Variants in SLF1 observed in about 807,000 individuals in gnomAD.
SLF1 encodes the protein SMC5-SMC6 complex localization factor protein 1.
SLF1 carries 105 observed loss-of-function variants against 123.0 expected under a neutral mutation model. The ratio of observed to expected loss-of-function variants is 0.85; its 90% CI spans 0.73 to 1.00. SLF1 has a LOEUF of 1.00. Among genes scored for constraint, SLF1 ranks in the 50% least tolerant of loss-of-function variants. The pLI is 0.00. For missense variants in SLF1, 1,239 were observed against 1,223.0 expected, an observed-to-expected ratio of 1.01 and a Z score of -0.20; for synonymous variants, 434 against 406.6, an observed-to-expected ratio of 1.07 and a Z score of -0.81.
Position 94,651,672 on chromosome 5 carries a change from CTTAACTAAATT to C in SLF1, c.739-29_739-19del. On this transcript the variant is annotated intron_variant, in intron 6 of 20. Coordinates refer to ENST00000265140, the MANE Select transcript of SLF1 (RefSeq NM_032290.4). ...GTTAAGGCTATATTTAATCCACAGT[CTTAACTAAATT>C]ATGTTTACAAACACGCAGAAAGAAA... The C allele has an allele frequency of 6.7e-7, 1 of 1,485,428 alleles. No individual in the cohort carries two copies. Among genetic ancestry groups the C allele is most frequent in the Non-Finnish European group, 9.0e-7 (1 of 1,115,222 alleles). The allele number at this position is 1,485,428 out of a possible 1,614,324, so 92.0% of individuals were successfully genotyped here. A position where few individuals can be genotyped will look rare whatever the true frequency, so the allele number is the denominator to read the frequency against.
chr5:94,685,833 CAA>C (rs758208359), intron 15 of SLF1, among the ~76,000 whole-genome samples: 9 of 110,644 alleles, frequency 8.1e-5, no homozygotes, highest in Admixed American at 2.8e-4. Context: ...GACTCCGTCT[CAA>C]AAAAAAAAAA....
rs1208313600 is a variant in SLF1, at chr5:94,688,816, T to C, written c.2285+147T>C. On this transcript the variant is annotated intron_variant, in intron 17 of 20. Transcript: ENST00000265140. ...CAATTTTAGATCTATTTGATCAACA[T>C]TTTCTGTTTCTGTAATTCAAGGTAC... is the stretch of plus-strand genomic sequence containing the variant. The C allele has an allele frequency of 3.4e-6, 3 of 882,660 alleles. No homozygotes were observed. The East Asian group carries it at 8.7e-5, about 26-fold the overall frequency. 54.7% of individuals were successfully genotyped at this position (882,660 alleles called of 1,614,324 possible). A position where few individuals can be genotyped will look rare whatever the true frequency, so the allele number is the denominator to read the frequency against.
intron 9 of SLF1, among the ~76,000 whole-genome samples, chr5:94,656,260 A>G (rs908826182): frequency 7.9e-5 from 12 of 151,836 alleles, no homozygotes; most frequent in Non-Finnish European, 1.5e-4. Context: ...TGTATGTTGA[A>G]CCATCCTTGC....
chr5:94,629,097 CA>C lies in SLF1; in HGVS notation c.125del (p.Asn42IlefsTer6). On this transcript the variant is annotated frameshift_variant, in exon 3 of 21. Coordinates refer to ENST00000265140, the MANE Select transcript of SLF1 (RefSeq NM_032290.4). LOFTEE classifies it high-confidence loss of function. ...ATGTGGATTTTTCCCTCCAGAAATA[CA>C]AAAATTGTACACATCTTATAGCTGA... ...DCTFIKSEKY[K>X]NCTHLIAERL... is the part of the protein sequence containing the mutation. The C allele has an allele frequency of 6.5e-7, 1 of 1,538,086 alleles. No individual in the cohort carries two copies. The highest frequency in any genetic ancestry group is 8.8e-7 in the Non-Finnish European group (1 of 1,141,108).
chr5:94,663,736 C>T lies in SLF1; in HGVS notation c.1210-14C>T, dbSNP rs1585179505. 2.0e-6 allele frequency: 3 copies of T among 1,502,068 alleles called. No individual in the cohort carries two copies. The highest frequency in any genetic ancestry group is 2.7e-6 in the Non-Finnish European group (3 of 1,123,192). 93.0% of individuals were successfully genotyped at this position (1,502,068 alleles called of 1,614,324 possible). A position where few individuals can be genotyped will look rare whatever the true frequency, so the allele number is the denominator to read the frequency against. ...CTTTCTTTTCTCTGAATCATAGAAT[C>T]TTTCCTTTCTTAGGTTAAAAATGCT... On this transcript the variant is annotated splice_polypyrimidine_tract_variant and intron_variant, in intron 10 of 20. Transcript: ENST00000265140.
In SLF1 at chr5:94,651,770, A is replaced by G. The variant is rs553754019; in HGVS notation, c.807A>G (p.Lys269=). The G allele has an allele frequency of 6.5e-7, 1 of 1,529,870 alleles. No homozygotes were observed. Among genetic ancestry groups the G allele is most frequent in the South Asian group, 1.2e-5 (1 of 80,536 alleles). 94.8% of individuals were successfully genotyped at this position (1,529,870 alleles called of 1,614,324 possible). ...SILIQHHKKE[K]FSGSSKDLKF... ...TGATTCAACATCACAAAAAAGAAAA[A>G]TTCAGTGGTTCCAGTAAAGATTTGA... Residue 269 remains lysine (K), a synonymous_variant, in exon 7 of 21, where the codon AAA becomes AAG. Transcript: ENST00000265140.
intron 1 of SLF1, among the ~76,000 whole-genome samples, chr5:94,624,726 A>G (rs1284005910): frequency 6.6e-6 from 1 of 152,162 alleles, no homozygotes; most frequent in Non-Finnish European, 1.5e-5. Flanking sequence ...CCGATTATTT[A>G]ACATTAGTTT....
At chr5:94,620,303 A>T (rs1416912175) in intron 1 of SLF1, 3 of 152,232 alleles carry the variant, frequency 2.0e-5, no homozygotes, top group Admixed American at 1.3e-4. Context: ...CTAAATCCAG[A>T]TTTTATTATG....
intron 17 of SLF1, among the ~76,000 whole-genome samples, 192 bp downstream of exon 17, chr5:94,688,861 C>A (rs188372946): frequency 6.6e-6 from 1 of 152,194 alleles, no homozygotes; most frequent in Non-Finnish European, 1.5e-5. Flanking sequence ...AAGTGCTTCC[C>A]AAAAGAAATA....
intron 4 of SLF1, among the ~76,000 whole-genome samples, chr5:94,641,093 T>C (rs968355656): frequency 2.0e-5 from 3 of 152,216 alleles, no homozygotes; most frequent in Admixed American, 2.0e-4. Flanking sequence ...AAATTAGGCC[T>C]ACCTCTTCTG....
chr5:94,632,890 T>C (rs1158141194), intron 4 of SLF1, among the ~76,000 whole-genome samples: 1 of 152,026 alleles, frequency 6.6e-6, no homozygotes, highest in African/African-American at 2.4e-5. Context: ...GGGGTTTCAC[T>C]GTGTTAGTCA....
chr5:94,694,015 G>A (rs1332430279), intron 20 of SLF1, among the ~76,000 whole-genome samples: 1 of 151,634 alleles, frequency 6.6e-6, no homozygotes, highest in Non-Finnish European at 1.5e-5. Flanking sequence ...TATAATTGTA[G>A]GACCTAGTGA....
chr5:94,630,667 GGT>G lies in SLF1; in HGVS notation c.357_358del (p.Ala120SerfsTer14), dbSNP rs1439516753. ...ATGGCGTGAAGAACTGAAACGCACT[GGT>G]GCTCCAGGAGCCTTCCACAGATGGA... is the stretch of plus-strand genomic sequence containing the variant. ...KRWREELKRTGAPGAFHRWKV... is the reference protein window; with the variant it reads ...KRWREELKRTXAPGAFHRWKV... On this transcript the variant is annotated frameshift_variant, in exon 4 of 21. Coordinates refer to ENST00000265140, the MANE Select transcript of SLF1 (RefSeq NM_032290.4). LOFTEE classifies it high-confidence loss of function. 4 of 1,551,588 alleles carry G rather than the reference GGT, an allele frequency of 2.6e-6. No individual in the cohort carries two copies. In the Admixed American group the frequency reaches 7.8e-5, roughly 30 times the overall value.
chr5:94,645,062 A>G (rs935109572), intron 5 of SLF1, among the ~76,000 whole-genome samples: 2 of 152,214 alleles, frequency 1.3e-5, no homozygotes, highest in African/African-American at 4.8e-5. Context: ...GTCTGCTTGG[A>G]CTATGGATAA....
At position 94,688,618 on chromosome 5, in the gene SLF1, T is replaced by C. The variant is rs750487982; in HGVS notation, c.2234T>C (p.Leu745Pro). The change falls in exon 17 of 21, where the codon CTA becomes CCA. Residue 745 changes from leucine (L) to proline (P), a missense_variant. Leu to Pro is a moderately conservative substitution (Grantham distance 98). Transcript: ENST00000265140. Reference sequence around the variant, plus strand: ...TGTTTTGACTCTCAGAGAACCTTACTAATGCTGAATGGTACTAAACAAAAA... The same window carrying C: ...TGTTTTGACTCTCAGAGAACCTTACCAATGCTGAATGGTACTAAACAAAAA... The part of the protein sequence containing the change: ...RPCFDSQRTL[L>P]MLNGTKQKQV... 5.6e-6 allele frequency: 9 copies of C among 1,613,988 alleles called. No homozygotes were observed. In the Admixed American group the frequency reaches 1.3e-4, roughly 24 times the overall value.
chr5:94,657,931 A>G lies in SLF1; in HGVS notation c.1155+3179A>G, dbSNP rs533639531. ...ATTCTTCTTCACTTTCAGTCTTTAC[A>G]TGTTTTAACAGGTGGAGAGAGTTTC... On this transcript the variant is annotated intron_variant, in intron 9 of 20. Coordinates refer to ENST00000265140, the MANE Select transcript of SLF1 (RefSeq NM_032290.4). Among the ~76,000 whole-genome samples the G allele has an allele frequency of 7.2e-5, 11 of 152,042 alleles. No homozygotes were observed. In the East Asian group the frequency reaches 1.9e-3, roughly 27 times the overall value.
chr5:94,653,467 C>T, intron 8 of SLF1, 46 bp downstream of exon 8: 15 of 1,425,712 alleles, frequency 1.1e-5, no homozygotes, highest in Non-Finnish European at 1.4e-5. Context: ...TATTTTTTGG[C>T]TGTTCTCTGA....
chr5:94,620,815 C>A (rs1791719331), intron 1 of SLF1, among the ~76,000 whole-genome samples: 1 of 152,060 alleles, frequency 6.6e-6, no homozygotes, highest in African/African-American at 2.4e-5. Context: ...AGTAAAATAA[C>A]CCTGGAACTT....
intron 10 of SLF1, among the ~76,000 whole-genome samples, chr5:94,662,778 ATTG>A (rs1749284866): frequency 6.6e-6 from 1 of 152,194 alleles, no homozygotes. Context: ...TATCCAGTCT[ATTG>A]TTAAATTAGG....
Sources: gnomAD v4.1 joint callset for allele counts (sites outside exome capture counted in the v4.1 genomes callset) on GRCh38, gnomAD v4.1.1 for gene constraint, MANE v1.5 for transcripts, NCBI Gene and HGNC (gene_info 2026-07-23, HGNC 2026-07-21) for gene names.